Variants in ROBO1 observed in about 807,000 individuals in gnomAD.
ROBO1 encodes roundabout homolog 1.
Under a neutral mutation model 195.9 loss-of-function variants are expected in ROBO1, and 149 were observed. The observed-to-expected ratio is 0.76, with a 90% CI of 0.67 to 0.87. The LOEUF is 0.87. ROBO1 is among the 40% of genes least tolerant of loss of function. The probability of loss-of-function intolerance (pLI) is 0.00; values close to 1 mark genes in which losing one functional copy is unlikely to be tolerated. For synonymous variants in ROBO1, 816 were observed against 733.2 expected, an observed-to-expected ratio of 1.11 and a Z score of -1.82; for missense variants, 1,933 against 2,068.3, an observed-to-expected ratio of 0.93 and a Z score of 1.27.
At chr3:79,351,364 T>G (rs1384704565) in intron 2 of ROBO1, among the ~76,000 whole-genome samples, 1 of 152,182 alleles carries the variant, frequency 6.6e-6, no homozygotes, top group Admixed American at 6.5e-5. Flanking sequence ...ATCAATTATA[T>G]AAATTGTTAT....
At chr3:79,235,775 C>T (rs1004972695) in intron 2 of ROBO1, among the ~76,000 whole-genome samples, 6 of 152,056 alleles carry the variant, frequency 3.9e-5, no homozygotes, top group Admixed American at 1.3e-4. Context: ...ATATCAGAGT[C>T]TGCTTTCCAG....
intron 4 of ROBO1, among the ~76,000 whole-genome samples, chr3:78,886,970 G>A (rs920195424): frequency 2.0e-5 from 3 of 151,902 alleles, no homozygotes; most frequent in Non-Finnish European, 4.4e-5. Flanking sequence ...GTTAATAACT[G>A]TTTAGCTATA....
chr3:78,626,194 T>A (rs956167284), intron 26 of ROBO1, among the ~76,000 whole-genome samples: 1 of 152,162 alleles, frequency 6.6e-6, no homozygotes, highest in African/African-American at 2.4e-5. Context: ...TAGTCTCTCA[T>A]TGGCTTCTAA....
chr3:79,524,025 A>G (rs1488000440), intron 2 of ROBO1, among the ~76,000 whole-genome samples: 2 of 152,142 alleles, frequency 1.3e-5, no homozygotes, highest in Non-Finnish European at 2.9e-5. Flanking sequence ...AACGGCATCA[A>G]CTACTTGCAT....
chr3:79,196,792 C>G (rs2081646076), intron 2 of ROBO1, among the ~76,000 whole-genome samples: 1 of 151,532 alleles, frequency 6.6e-6, no homozygotes, highest in Non-Finnish European at 1.5e-5. Context: ...TCCAGGTTAA[C>G]CCTTTATCTT....
intron 1 of ROBO1, among the ~76,000 whole-genome samples, chr3:79,604,862 C>G (rs1457486641): frequency 1.3e-5 from 2 of 151,862 alleles, no homozygotes; most frequent in Non-Finnish European, 2.9e-5. Context: ...TAATTTCTAC[C>G]AGTATTACGC....
intron 3 of ROBO1, among the ~76,000 whole-genome samples, chr3:78,997,357 A>G (rs1239759340): frequency 6.6e-6 from 1 of 152,182 alleles, no homozygotes; most frequent in Non-Finnish European, 1.5e-5. Context: ...AGACTAGGAA[A>G]AACGTGGGTT....
chr3:79,448,484 ATTAT>A (rs538899082), intron 2 of ROBO1, among the ~76,000 whole-genome samples: 26 of 152,222 alleles, frequency 1.7e-4, no homozygotes, highest in African/African-American at 5.8e-4. Flanking sequence ...ATTAGTACTT[ATTAT>A]TAATTAGCAG....
chr3:78,683,696 T>G lies in ROBO1; in HGVS notation c.1342+2050A>C, dbSNP rs370801671. On this transcript the variant is annotated intron_variant, in intron 10 of 30. Transcript: ENST00000464233. ...AGTGGAGAAAGGATAATCTTTCCAA[T>G]AAATTATGCTGGAATTATTAGTTTT... Among the ~76,000 whole-genome samples, 18 of 152,170 alleles carry G rather than the reference T, an allele frequency of 1.2e-4. No homozygotes were observed. In the South Asian group the frequency reaches 1.4e-3, roughly 12 times the overall value.
chr3:78,732,359 A>C (rs188129933), intron 5 of ROBO1, among the ~76,000 whole-genome samples: 125 of 152,230 alleles, frequency 8.2e-4, no homozygotes, highest in Non-Finnish European at 1.5e-3. Flanking sequence ...AAGCCTAACC[A>C]ATCTGGACAT....
chr3:79,060,315 C>T (rs1296411738), intron 3 of ROBO1, among the ~76,000 whole-genome samples: 1 of 151,870 alleles, frequency 6.6e-6, no homozygotes, highest in Admixed American at 6.6e-5. Context: ...TCTCACTCTG[C>T]TTTTCTGCCC....
intron 21 of ROBO1, among the ~76,000 whole-genome samples, chr3:78,642,487 G>A (rs1706029294): frequency 6.6e-6 from 1 of 152,274 alleles, no homozygotes; most frequent in South Asian, 2.1e-4. Context: ...ATATTTTAAA[G>A]AGAAGCAAAG....
At chr3:78,834,592 A>T (rs1001326684) in intron 4 of ROBO1, among the ~76,000 whole-genome samples, 1 of 151,946 alleles carries the variant, frequency 6.6e-6, no homozygotes, top group East Asian at 1.9e-4. Context: ...CTATATAATG[A>T]TCAGAACTAT....
intron 2 of ROBO1, among the ~76,000 whole-genome samples, chr3:79,425,878 G>T (rs1305505270): frequency 4.6e-5 from 7 of 152,096 alleles, no homozygotes; most frequent in Non-Finnish European, 7.4e-5. Flanking sequence ...CTTGTTATTG[G>T]TTGCATTGTT....
At chr3:78,821,060 A>T (rs542881411) in intron 4 of ROBO1, among the ~76,000 whole-genome samples, 21 of 152,266 alleles carry the variant, frequency 1.4e-4, no homozygotes, top group Non-Finnish European at 2.4e-4. Context: ...TATAAAGCAA[A>T]ATTCAATCTT....
chr3:79,398,824 C>A (rs578068245), intron 2 of ROBO1, among the ~76,000 whole-genome samples: 2 of 152,056 alleles, frequency 1.3e-5, no homozygotes, highest in African/African-American at 2.4e-5. Context: ...TTATTAGTGC[C>A]ACCCCTAAGG....
At chr3:79,548,473 G>A (rs921330873) in intron 2 of ROBO1, among the ~76,000 whole-genome samples, 2 of 152,176 alleles carry the variant, frequency 1.3e-5, no homozygotes, top group Non-Finnish European at 2.9e-5. Context: ...GAACCACACT[G>A]ATAAGTGGAT....
intron 2 of ROBO1, among the ~76,000 whole-genome samples, chr3:79,365,092 A>G (rs895912382): frequency 6.6e-6 from 1 of 152,142 alleles, no homozygotes; most frequent in Non-Finnish European, 1.5e-5. Context: ...TTGTACGTGA[A>G]TTGCATCAGA....
chr3:79,309,530 T>C (rs2033384465), intron 2 of ROBO1, among the ~76,000 whole-genome samples: 1 of 152,084 alleles, frequency 6.6e-6, no homozygotes, highest in Non-Finnish European at 1.5e-5. Flanking sequence ...ATTTTTAGCC[T>C]AGAAGGTTGA....
Sources: allele counts gnomAD v4.1 joint callset (sites outside exome capture counted in the v4.1 genomes callset), GRCh38; gene constraint gnomAD v4.1.1; transcripts MANE v1.5; gene names NCBI Gene and HGNC (gene_info 2026-07-23, HGNC 2026-07-21).